The following CREB5 variants were observed in gnomAD, a reference collection of about 807,000 sequenced individuals.
CREB5 encodes the protein cyclic AMP-responsive element-binding protein 5.
A neutral mutation model predicts 57.1 loss-of-function variants in CREB5; 19 were observed. That is an observed-to-expected ratio of 0.33 (90% CI 0.23 to 0.49). The LOEUF (loss-of-function observed/expected upper bound fraction) is 0.49. Among genes scored for constraint, CREB5 ranks in the 20% least tolerant of loss-of-function variants. The probability of loss-of-function intolerance (pLI) is 0.99; values close to 1 mark genes in which losing one functional copy is unlikely to be tolerated. For missense variants in CREB5, 579 were observed against 671.6 expected (o/e 0.86, Z 1.52); for synonymous variants, 238 against 238.3 (o/e 1.00, Z 0.01).
chr7:28,353,677 A>C (rs1384445073), intron 1 of CREB5, among the ~76,000 whole-genome samples: 1 of 151,974 alleles, frequency 6.6e-6, no homozygotes, highest in Non-Finnish European at 1.5e-5. Flanking sequence ...CCCCGTCTCT[A>C]CTAAAAATAC....
intron 1 of CREB5, among the ~76,000 whole-genome samples, chr7:28,416,410 T>C (rs73295195): frequency 0.023 from 3,494 of 152,340 alleles, 159 homozygotes; most frequent in African/African-American, 0.079. Context: ...GTAATCTCTA[T>C]TTGCCAGATC....
Position 28,366,246 on chromosome 7 carries a change from C to CT in CREB5, c.-25+66811dup, listed in dbSNP as rs1786583860. Among the ~76,000 whole-genome samples the CT allele has an allele frequency of 2.0e-5, 3 of 152,066 alleles. No homozygotes were observed. The South Asian group carries it at 6.2e-4, about 31-fold the overall frequency. The stretch of plus-strand genomic sequence containing the variant: ...TCCTATAAGGCTCTGTAAGTCAAAA[C>CT]TTTTTTAGATTTAGTTATTATTGTA... On this transcript the variant is annotated intron_variant, in intron 1 of 9. Coordinates refer to the CREB5 transcript ENST00000396299.
intron 5 of CREB5, among the ~76,000 whole-genome samples, chr7:28,600,552 C>A (rs1796876345): frequency 6.6e-6 from 1 of 152,122 alleles, no homozygotes; most frequent in African/African-American, 2.4e-5. Flanking sequence ...GAGGGGCTGG[C>A]TAATGCGCTA....
chr7:28,355,557 A>G (rs1282130663), intron 1 of CREB5, among the ~76,000 whole-genome samples: 1 of 152,206 alleles, frequency 6.6e-6, no homozygotes, highest in Admixed American at 6.5e-5. Flanking sequence ...GGAGCCTGTT[A>G]TATTTTTCTC....
chr7:28,631,651 G>A (rs41303), intron 5 of CREB5, among the ~76,000 whole-genome samples: 4,509 of 152,110 alleles, frequency 0.03, 220 homozygotes, highest in African/African-American at 0.1. Flanking sequence ...TGCAACCTCC[G>A]CCTCCCAGGT....
intron 2 of CREB5, 84 bp downstream of exon 2, chr7:28,488,330 C>T: frequency 8.0e-7 from 1 of 1,253,182 alleles, no homozygotes; most frequent in Non-Finnish European, 1.1e-6. Flanking sequence ...ATCATGCCTG[C>T]CCTGGGCTTT....
chr7:28,530,659 C>T (rs1232477815), intron 4 of CREB5, among the ~76,000 whole-genome samples: 1 of 152,206 alleles, frequency 6.6e-6, no homozygotes, highest in Non-Finnish European at 1.5e-5. Flanking sequence ...GAAAACTTTA[C>T]CCTGGCTTTT....
At chr7:28,764,006 T>G (rs762100906) in intron 7 of CREB5, among the ~76,000 whole-genome samples, 2 of 152,036 alleles carry the variant, frequency 1.3e-5, no homozygotes, top group Non-Finnish European at 2.9e-5. Context: ...TCTCACTATG[T>G]TGCCCAGGCT....
intron 1 of CREB5, among the ~76,000 whole-genome samples, chr7:28,331,505 G>A (rs998690382): frequency 4.6e-5 from 7 of 152,068 alleles, no homozygotes; most frequent in Admixed American, 2.6e-4. Context: ...TACTACAGAC[G>A]TGTGCAAATG....
intron 5 of CREB5, among the ~76,000 whole-genome samples, chr7:28,578,571 A>G (rs1227784738): frequency 6.6e-6 from 1 of 152,218 alleles, no homozygotes; most frequent in African/African-American, 2.4e-5. Flanking sequence ...CCCTGCGGGC[A>G]TTTCAGATAT....
In CREB5 at chr7:28,355,090, A is replaced by G. The variant is rs148204174; in HGVS notation, c.-25+55649A>G. Among the ~76,000 whole-genome samples, 345 of 152,354 alleles carry G rather than the reference A, an allele frequency of 2.3e-3. 3 individuals are homozygous for G. The highest frequency in any genetic ancestry group is 7.8e-3 in the African/African-American group (325 of 41,592). Reference sequence around the variant, plus strand: ...AAACATCCCTAGGAAAGTCACATGCATTAATGCAAGTGACTTGCAATTTTC... The same window carrying G: ...AAACATCCCTAGGAAAGTCACATGCGTTAATGCAAGTGACTTGCAATTTTC... On this transcript the variant is annotated intron_variant, in intron 1 of 9. Transcript: ENST00000396299.
intron 5 of CREB5, among the ~76,000 whole-genome samples, chr7:28,628,483 A>G (rs564485388): frequency 2.0e-4 from 30 of 152,288 alleles, no homozygotes; most frequent in Non-Finnish European, 3.5e-4. Context: ...GAAAATAAAC[A>G]GGCTTCTCTG....
intron 5 of CREB5, among the ~76,000 whole-genome samples, chr7:28,704,125 T>C (rs375041484): frequency 2.6e-5 from 4 of 152,346 alleles, no homozygotes; most frequent in South Asian, 2.1e-4. Context: ...AACTGCTTAT[T>C]TGGGGACCTG....
chr7:28,342,439 A>G (rs531895759), intron 1 of CREB5, among the ~76,000 whole-genome samples: 21 of 152,360 alleles, frequency 1.4e-4, no homozygotes, highest in Admixed American at 2.6e-4. Flanking sequence ...CAAAGTTTAA[A>G]TTACTGAATA....
At chr7:28,711,306 G>T (rs1299910698) in intron 5 of CREB5, among the ~76,000 whole-genome samples, 4 of 152,196 alleles carry the variant, frequency 2.6e-5, no homozygotes, top group Non-Finnish European at 2.9e-5. Flanking sequence ...GGAAATCCCA[G>T]ATCTTCAGCC....
chr7:28,664,765 G>GA (rs59449085), intron 5 of CREB5, among the ~76,000 whole-genome samples: 29,762 of 151,964 alleles, frequency 0.2, 3,472 homozygotes, highest in East Asian at 0.5. Flanking sequence ...ATGCATTTTG[G>GA]TAACAAAATG....
At chr7:28,653,522 G>A (rs1399024396) in intron 5 of CREB5, among the ~76,000 whole-genome samples, 1 of 152,162 alleles carries the variant, frequency 6.6e-6, no homozygotes, top group Non-Finnish European at 1.5e-5. Context: ...GGGAAAATGT[G>A]AGTTTACTAC....
chr7:28,430,750 A>G (rs905218855), intron 1 of CREB5, among the ~76,000 whole-genome samples: 1 of 152,216 alleles, frequency 6.6e-6, no homozygotes, highest in African/African-American at 2.4e-5. Flanking sequence ...TTGCTGTATG[A>G]CACATTAGCA....
chr7:28,667,179 G>A (rs991477754), intron 5 of CREB5, among the ~76,000 whole-genome samples: 8 of 151,716 alleles, frequency 5.3e-5, no homozygotes, highest in Non-Finnish European at 1.2e-4. Context: ...TCAGATGCAT[G>A]CTGTCCCTGG....
Sources: allele counts gnomAD v4.1 joint callset (sites outside exome capture counted in the v4.1 genomes callset), GRCh38; gene constraint gnomAD v4.1.1; transcripts MANE v1.5; gene names NCBI Gene and HGNC (gene_info 2026-07-23, HGNC 2026-07-21).